NEB: variants seen among roughly 807,000 people sequenced by gnomAD.
NEB encodes the protein nebulin, also known as nemaline myopathy type 2.
Under a neutral mutation model 952.2 loss-of-function variants are expected in NEB, and 512 were observed. That is an observed-to-expected ratio of 0.54 (90% CI 0.50 to 0.58). The LOEUF (loss-of-function observed/expected upper bound fraction) is 0.58. Among genes scored for constraint, NEB ranks in the 20% least tolerant of loss-of-function variants. The pLI, the probability that NEB is intolerant of heterozygous loss-of-function variation, is 0.00. For missense variants in NEB, 8,428 were observed against 9,231.1 expected, an observed-to-expected ratio of 0.91 and a Z score of 3.56; for synonymous variants, 2,900 against 3,149.8, an observed-to-expected ratio of 0.92 and a Z score of 2.66.
chr2:151,617,318 T>C, intron 75 of NEB, 46 bp downstream of exon 75: 1 of 1,334,928 alleles, frequency 7.5e-7, no homozygotes, highest in Non-Finnish European at 1.0e-6. Flanking sequence ...GCTACAGTGG[T>C]TCATTTTTGC....
chr2:151,704,844 G>C (rs1314478512), intron 13 of NEB, among the ~76,000 whole-genome samples: 2 of 152,206 alleles, frequency 1.3e-5, no homozygotes, highest in African/African-American at 4.8e-5. Flanking sequence ...CACGCTGGGA[G>C]CTGTAGACCG....
chr2:151,503,848 G>T (rs1221508489), intron 165 of NEB, among the ~76,000 whole-genome samples: 1 of 152,056 alleles, frequency 6.6e-6, no homozygotes, highest in Non-Finnish European at 1.5e-5. Context: ...ATTCCTTCAG[G>T]CTTATTGAGA....
Position 151,497,877 on chromosome 2 carries a change from G to A in NEB, c.24208-159C>T, listed in dbSNP as rs955655517. 71 of 1,502,448 alleles carry A rather than the reference G, an allele frequency of 4.7e-5. No individual in the cohort carries two copies. In the Admixed American group the frequency reaches 1.8e-3, roughly 38 times the overall value. The allele number at this position is 1,502,448 out of a possible 1,614,324, so 93.1% of individuals were successfully genotyped here. ...TTTAGTGGAAGCTGTTGTTGGGATAGGGAATCTGCACCCTCTAGAGAAGCA... is the reference window on the plus strand; with the variant it reads ...TTTAGTGGAAGCTGTTGTTGGGATAAGGAATCTGCACCCTCTAGAGAAGCA... On this transcript the variant is annotated intron_variant, in intron 170 of 181. Coordinates refer to ENST00000397345, the MANE Select transcript of NEB (RefSeq NM_001164508.2).
In NEB at chr2:151,612,530, C is replaced by T. The variant is rs1387794909; in HGVS notation, c.11602-141G>A. On this transcript the variant is annotated intron_variant, in intron 77 of 181. Coordinates refer to ENST00000397345, the MANE Select transcript of NEB (RefSeq NM_001164508.2). Reference sequence around the variant, plus strand: ...TGGGAAGACCCACAGGATTGCTTTACTTTGGTTTAGAATGGCTAGTTAAAT... The same window carrying T: ...TGGGAAGACCCACAGGATTGCTTTATTTTGGTTTAGAATGGCTAGTTAAAT... 3.3e-5 allele frequency: 28 copies of T among 860,336 alleles called. No individual in the cohort carries two copies. In the South Asian group the frequency reaches 3.3e-4, roughly 10 times the overall value. The allele number at this position is 860,336 out of a possible 1,614,324, so 53.3% of individuals were successfully genotyped here. A position where few individuals can be genotyped will look rare whatever the true frequency, so the allele number is the denominator to read the frequency against.
In NEB at chr2:151,644,126, T is replaced by C. The variant is rs1480363015; in HGVS notation, c.7648A>G (p.Lys2550Glu). 1.2e-6 allele frequency: 2 copies of C among 1,611,194 alleles called. No individual in the cohort carries two copies. Among genetic ancestry groups the C allele is most frequent in the Middle Eastern group, 1.7e-4 (1 of 6,048 alleles). The change falls in exon 57 of 182, where the codon AAG becomes GAG. Residue 2550 changes from lysine to glutamate, a missense_variant. Around this residue, in one of 11 missense-constraint regions of NEB, gnomAD observed 1,772 missense variants for 1,960.3 expected, o/e 0.90. Coordinates refer to ENST00000397345, the MANE Select transcript of NEB (RefSeq NM_001164508.2). ...KASREIASEYKYKEGFRKQLG... is the reference protein window; with the variant it reads ...KASREIASEYEYKEGFRKQLG... Reference sequence around the variant, plus strand: ...TGCTTGCGAAAGCCTTCCTTGTACTTGTACTAGAGAAAAAAAATGTGTCTC... The same window carrying C: ...TGCTTGCGAAAGCCTTCCTTGTACTCGTACTAGAGAAAAAAAATGTGTCTC...
At chr2:151,496,522 T>A (rs983245918) in intron 172 of NEB, among the ~76,000 whole-genome samples, 154 bp from the exon 173 acceptor site, 1 of 152,162 alleles carries the variant, frequency 6.6e-6, no homozygotes, top group Non-Finnish European at 1.5e-5. Flanking sequence ...GCTACTTTAG[T>A]GGAAGCTGTT....
chr2:151,533,602 C>G, intron 142 of NEB, 56 bp from the exon 143 acceptor site: 1 of 1,141,576 alleles, frequency 8.8e-7, no homozygotes. Context: ...CAGAAAAGAA[C>G]ACGGCTCTAT....
At chr2:151,659,041 G>T in intron 47 of NEB, 24 bp downstream of exon 47, 1 of 1,457,888 alleles carries the variant, frequency 6.9e-7, no homozygotes, top group South Asian at 1.1e-5. Context: ...AGAGAAAGAT[G>T]ACAACAGGGG....
At chr2:151,554,640 T>G (rs2153664101) in intron 125 of NEB, among the ~76,000 whole-genome samples, 1 of 152,326 alleles carries the variant, frequency 6.6e-6, no homozygotes, top group Non-Finnish European at 1.5e-5. Context: ...GTCTTTGGAG[T>G]TACCCTCATG....
At chr2:151,517,839 C>A (rs2078821759) in intron 156 of NEB, among the ~76,000 whole-genome samples, 1 of 152,180 alleles carries the variant, frequency 6.6e-6, no homozygotes, top group Admixed American at 6.5e-5. Flanking sequence ...TCTTATGGGA[C>A]CACTGTCATA....
intron 24 of NEB, among the ~76,000 whole-genome samples, chr2:151,689,005 G>A (rs1009078169): frequency 6.6e-6 from 1 of 152,084 alleles, no homozygotes; most frequent in African/African-American, 2.4e-5. Context: ...CCGTGGATAA[G>A]GGGGATTGCT....
chr2:151,572,351 A>G (rs2096659648), intron 107 of NEB, among the ~76,000 whole-genome samples: 2 of 152,002 alleles, frequency 1.3e-5, no homozygotes, highest in South Asian at 4.2e-4. Flanking sequence ...TAATTAATTA[A>G]TTAAACTACA....
rs777312993 is a variant in NEB, at chr2:151,492,299, T to G, written c.24874-18A>C. 6.2e-7 allele frequency: 1 copy of G among 1,605,812 alleles called. No individual in the cohort carries two copies. The highest frequency in any genetic ancestry group is 1.3e-5 in the African/African-American group (1 of 74,628). On this transcript the variant is annotated intron_variant, in intron 177 of 181. Coordinates refer to ENST00000397345, the MANE Select transcript of NEB (RefSeq NM_001164508.2). ...TATTTCACCTGAAATGTCATGAATT[T>G]GCTTTATGAAAATATGATGGTGTGA...
rs1483606765 is a variant in NEB at position 151,607,570 on chromosome 2, GT to G, written c.12572del (p.Asn4191ThrfsTer40). 1.4e-6 allele frequency: 1 copy of G among 701,218 alleles called. No homozygotes were observed. Among genetic ancestry groups the G allele is most frequent in the African/African-American group, 1.7e-5 (1 of 58,690 alleles). 43.4% of individuals were successfully genotyped at this position (701,218 alleles called of 1,614,324 possible). ...CCGGAGTATCAGAAGGAATGGTGAT[GT>G]TGCTTTTATCTTTATTCCAGGCTTC... ...YQEAWNKDKS[N>X]ITIPSDTPEM... On this transcript the variant is annotated frameshift_variant, in exon 83 of 182. Coordinates refer to ENST00000397345, the MANE Select transcript of NEB (RefSeq NM_001164508.2). LOFTEE classifies it high-confidence loss of function.
chr2:151,694,029 T>G (rs569229209), intron 20 of NEB, among the ~76,000 whole-genome samples: 1 of 152,358 alleles, frequency 6.6e-6, no homozygotes, highest in South Asian at 2.1e-4. Flanking sequence ...TTATGTATAT[T>G]AAGCTCGTTT....
intron 130 of NEB, among the ~76,000 whole-genome samples, chr2:151,549,123 C>T (rs1484856988): frequency 6.6e-6 from 1 of 152,148 alleles, no homozygotes; most frequent in East Asian, 1.9e-4. Flanking sequence ...CCTAACTACC[C>T]CTCTAGCCTT....
rs1490176256 is a variant in NEB, at chr2:151,541,538, G to T, written c.20591C>A (p.Ala6864Asp). ...KTHLSELVYRAAGKKQKSIFT... is the reference protein window; with the variant it reads ...KTHLSELVYRDAGKKQKSIFT... ...GATTGACTTCTGCTTCTTGCCTGCA[G>T]CTCTGTAGACCAGCTAGACATAAAC... The change falls in exon 136 of 182, where the codon GCT (alanine) becomes GAT (aspartate). Residue 6864 changes from alanine to aspartate, a missense_variant. Physicochemically the swap from Ala to Asp is moderately radical, Grantham distance 126. Transcript: ENST00000397345. 6.2e-7 allele frequency: 1 copy of T among 1,613,214 alleles called. No homozygotes were observed. Among genetic ancestry groups the T allele is most frequent in the Admixed American group, 1.7e-5 (1 of 60,008 alleles).
intron 142 of NEB, among the ~76,000 whole-genome samples, chr2:151,534,745 C>T (rs6414090): frequency 0.97 from 147,838 of 152,294 alleles, 71,935 homozygotes; most frequent in East Asian, 1. Flanking sequence ...TATTAATTTA[C>T]TGGATTATAA....
chr2:151,670,503 G>T (rs961849798), intron 38 of NEB, among the ~76,000 whole-genome samples: 1 of 144,852 alleles, frequency 6.9e-6, no homozygotes, highest in African/African-American at 2.8e-5. Flanking sequence ...AGTCCACGGT[G>T]TAAGAGTCCA....
Sources: gnomAD v4.1 joint callset for allele counts (sites outside exome capture counted in the v4.1 genomes callset) on GRCh38, gnomAD v4.1.1 for gene constraint, gnomAD v4.1.1 regional missense constraint, MANE v1.5 for transcripts, NCBI Gene and HGNC (gene_info 2026-07-23, HGNC 2026-07-21) for gene names.